ESRRG: variants seen among roughly 807,000 people sequenced by gnomAD.
ESRRG encodes estrogen-related receptor gamma.
A neutral mutation model predicts 44.0 loss-of-function variants in ESRRG; 13 were observed. The ratio of observed to expected loss-of-function variants is 0.30; its 90% CI spans 0.19 to 0.47. ESRRG has a LOEUF of 0.47. ESRRG is among the 20% of genes least tolerant of loss of function. The pLI is 1.00. For synonymous variants in ESRRG, 215 were observed against 214.6 expected (o/e 1.00, Z -0.02); for missense variants, 395 against 580.6 (o/e 0.68, Z 3.29).
intron 2 of ESRRG, among the ~76,000 whole-genome samples, chr1:216,815,722 G>C (rs191965165): frequency 6.6e-6 from 1 of 152,262 alleles, no homozygotes; most frequent in East Asian, 1.9e-4. Context: ...GATTTCCGCC[G>C]CACTGAACAC....
At chr1:216,830,778 G>A (rs753150182) in intron 2 of ESRRG, among the ~76,000 whole-genome samples, 2 of 151,848 alleles carry the variant, frequency 1.3e-5, no homozygotes, top group Non-Finnish European at 2.9e-5. Context: ...AAAAATAACT[G>A]TTCGATCCTC....
At chr1:217,118,499 C>T (rs141432819) in intron 1 of ESRRG, among the ~76,000 whole-genome samples, 2 of 152,196 alleles carry the variant, frequency 1.3e-5, no homozygotes, top group African/African-American at 2.4e-5. Context: ...TCATCAAGAT[C>T]GACAAGAAGA....
chr1:217,075,017 C>G (rs1455002573), intron 1 of ESRRG, among the ~76,000 whole-genome samples: 1 of 152,080 alleles, frequency 6.6e-6, no homozygotes, highest in African/African-American at 2.4e-5. Context: ...CTGCATATAC[C>G]GAAGCCTAAA....
intron 3 of ESRRG, among the ~76,000 whole-genome samples, chr1:216,601,296 C>CGT (rs1490258827): frequency 6.6e-6 from 1 of 152,068 alleles, no homozygotes; most frequent in Non-Finnish European, 1.5e-5. Flanking sequence ...TCCGCAGACT[C>CGT]CCAGGGACTT....
chr1:216,563,806 G>C (rs1422523198), intron 5 of ESRRG, among the ~76,000 whole-genome samples: 1 of 152,126 alleles, frequency 6.6e-6, no homozygotes, highest in Non-Finnish European at 1.5e-5. Context: ...GATATAACTA[G>C]CCACTATGAA....
chr1:216,985,617 G>C (rs1478841877), intron 1 of ESRRG: 2 of 152,172 alleles, frequency 1.3e-5, no homozygotes, highest in African/African-American at 2.4e-5. Context: ...TATTGTGTAA[G>C]ACAATGTTGG....
intron 2 of ESRRG, among the ~76,000 whole-genome samples, chr1:216,753,175 T>TACACACACACACAC (rs145640833): frequency 0.032 from 4,693 of 148,884 alleles, 223 homozygotes; most frequent in African/African-American, 0.1. Context: ...TATATATTGA[T>TACACACACACACAC]ACACACACAC....
intron 1 of ESRRG, among the ~76,000 whole-genome samples, chr1:217,044,826 T>A (rs1580003505): frequency 6.6e-6 from 1 of 152,186 alleles, no homozygotes. Flanking sequence ...TAGAAAATTA[T>A]TCAGGCACAC....
chr1:216,636,716 G>A (rs1284882183), intron 3 of ESRRG, among the ~76,000 whole-genome samples: 1 of 152,186 alleles, frequency 6.6e-6, no homozygotes, highest in Non-Finnish European at 1.5e-5. Context: ...TTACAAGCTT[G>A]GGAACTTTCA....
intron 3 of ESRRG, among the ~76,000 whole-genome samples, chr1:216,583,397 T>A (rs1453066018): frequency 6.6e-6 from 1 of 152,188 alleles, no homozygotes; most frequent in East Asian, 1.9e-4. Flanking sequence ...TCTCTCAATG[T>A]ATGTATTTCA....
intron 3 of ESRRG, among the ~76,000 whole-genome samples, chr1:216,646,293 C>T (rs917281701): frequency 1.3e-5 from 2 of 152,052 alleles, no homozygotes; most frequent in Non-Finnish European, 2.9e-5. Flanking sequence ...CCCCTAAGGC[C>T]ATTGACATTG....
intron 2 of ESRRG, among the ~76,000 whole-genome samples, chr1:216,783,694 G>A (rs1420459499): frequency 6.6e-6 from 1 of 151,812 alleles, no homozygotes; most frequent in Non-Finnish European, 1.5e-5. Context: ...GTCCTCCTAG[G>A]ACCCTTTCTT....
chr1:216,999,722 A>G (rs1021205445), intron 1 of ESRRG, among the ~76,000 whole-genome samples: 1 of 142,960 alleles, frequency 7.0e-6, no homozygotes, highest in Non-Finnish European at 1.5e-5. Flanking sequence ...ATAGTTTGTG[A>G]GAAGAAATGT....
chr1:217,015,423 A>G (rs2079194690), intron 1 of ESRRG, among the ~76,000 whole-genome samples: 1 of 152,210 alleles, frequency 6.6e-6, no homozygotes, highest in Non-Finnish European at 1.5e-5. Context: ...AGTAAAATAT[A>G]TAAAACATAA....
At chr1:217,097,558 G>A (rs140638575) in intron 1 of ESRRG, among the ~76,000 whole-genome samples, 1 of 152,240 alleles carries the variant, frequency 6.6e-6, no homozygotes, top group East Asian at 1.9e-4. Context: ...CGAATGTCCT[G>A]TTTTCAAATT....
intron 1 of ESRRG, chr1:216,959,664 G>A (rs1466435383): frequency 6.6e-6 from 1 of 151,988 alleles, no homozygotes; most frequent in Admixed American, 6.6e-5. Context: ...TCCAGCCTGG[G>A]TGACAAAGCA....
chr1:217,050,671 C>T (rs2085784904), intron 1 of ESRRG, among the ~76,000 whole-genome samples: 1 of 152,158 alleles, frequency 6.6e-6, no homozygotes, highest in South Asian at 2.1e-4. Context: ...ATCCTCTACC[C>T]AAACCGAGAT....
chr1:217,051,453 G>A (rs1240827174), intron 1 of ESRRG, among the ~76,000 whole-genome samples: 1 of 152,088 alleles, frequency 6.6e-6, no homozygotes, highest in African/African-American at 2.4e-5. Flanking sequence ...AAACTGAGAG[G>A]AAGCCAACAT....
chr1:216,523,926 AT>A (rs2046866680), intron 5 of ESRRG, among the ~76,000 whole-genome samples: 1 of 151,830 alleles, frequency 6.6e-6, no homozygotes, highest in Non-Finnish European at 1.5e-5. Flanking sequence ...ACTCACTGAG[AT>A]CACAAATGAA....
Sources: allele counts gnomAD v4.1 joint callset (sites outside exome capture counted in the v4.1 genomes callset), GRCh38; gene constraint gnomAD v4.1.1; transcripts MANE v1.5; gene names NCBI Gene and HGNC (gene_info 2026-07-23, HGNC 2026-07-21).